Variants in CMTM8 observed in about 807,000 individuals in gnomAD.
CMTM8 encodes CKLF like MARVEL transmembrane domain containing 8.
Under a neutral mutation model 18.6 loss-of-function variants are expected in CMTM8, and 12 were observed. The ratio of observed to expected loss-of-function variants is 0.65; its 90% confidence interval spans 0.41 to 1.05. CMTM8 has a LOEUF of 1.05. Ranked by LOEUF, CMTM8 falls within the 50% of genes least tolerant of loss-of-function variation. The probability of loss-of-function intolerance (pLI) is 0.00; values close to 1 mark genes in which losing one functional copy is unlikely to be tolerated. For missense variants in CMTM8, 217 were observed against 227.2 expected (o/e 0.95, Z 0.29); for synonymous variants, 87 against 90.6 (o/e 0.96, Z 0.23).
chr3:32,354,591 C>T (rs1358576543), intron 1 of CMTM8, among the ~76,000 whole-genome samples: 1 of 152,182 alleles, frequency 6.6e-6, no homozygotes, highest in Non-Finnish European at 1.5e-5. Flanking sequence ...TGAGTTGAGC[C>T]TGTTTAGCTG....
intron 2 of CMTM8, 95 bp downstream of exon 2, chr3:32,357,641 A>G: frequency 7.8e-7 from 1 of 1,278,544 alleles, no homozygotes; most frequent in Non-Finnish European, 1.1e-6. Flanking sequence ...CTCTGCCCAG[A>G]AAAGGTGGGG....
At chr3:32,276,942 C>T (rs1559367828) in intron 1 of CMTM8, among the ~76,000 whole-genome samples, 1 of 151,926 alleles carries the variant, frequency 6.6e-6, no homozygotes, top group Non-Finnish European at 1.5e-5. Context: ...GGCTAGAGTG[C>T]AGCGGCACAA....
In CMTM8 at chr3:32,263,975, T is replaced by C. The variant is rs192964323; in HGVS notation, c.147+24856T>C. 9.2e-5 allele frequency among the ~76,000 whole-genome samples: 14 copies of C among 152,340 alleles called. No homozygotes were observed. In the East Asian group the frequency reaches 2.3e-3, roughly 25 times the overall value. ...TGAAAAGACCAAATCTATGTCTGAT[T>C]GGTGTACCTGAAAGTGACAAGGAGA... On this transcript the variant is annotated intron_variant, in intron 1 of 3. Transcript: ENST00000307526.
At chr3:32,361,286 G>GTTTGTTTTTTTTTTTTTTTTGTTT (rs140270969) in intron 2 of CMTM8, among the ~76,000 whole-genome samples, 1 of 87,230 alleles carries the variant, frequency 1.1e-5, no homozygotes, top group Non-Finnish European at 2.4e-5. Flanking sequence ...CAGCCTAAGA[G>GTTTGTTTTTTTTTTTTTTTTGTTT]TTTTTTTTTC....
chr3:32,332,477 T>G (rs1575180641), intron 1 of CMTM8, among the ~76,000 whole-genome samples: 1 of 148,094 alleles, frequency 6.8e-6, no homozygotes, highest in Admixed American at 6.8e-5. Context: ...AGGTGAGGGG[T>G]GGGGAGCTTG....
chr3:32,349,804 T>C (rs764674307), intron 1 of CMTM8, among the ~76,000 whole-genome samples: 44 of 152,068 alleles, frequency 2.9e-4, no homozygotes, highest in Non-Finnish European at 6.2e-4. Flanking sequence ...GGTCAGGAGT[T>C]CGAGACCAGC....
intron 1 of CMTM8, among the ~76,000 whole-genome samples, chr3:32,288,211 C>T (rs879423077): frequency 4.6e-5 from 7 of 152,282 alleles, no homozygotes; most frequent in Admixed American, 4.6e-4. Flanking sequence ...TGGGTCCTTG[C>T]TCTCAAGGAG....
chr3:32,251,877 C>T (rs1459485819), intron 1 of CMTM8, among the ~76,000 whole-genome samples: 1 of 151,506 alleles, frequency 6.6e-6, no homozygotes, highest in African/African-American at 2.4e-5. Flanking sequence ...ATGGCTTGAG[C>T]TCAGGAGTTC....
Position 32,357,566 on chromosome 3 carries a change from T to A in CMTM8, c.321+20T>A. 1 of 1,613,110 alleles carries A rather than the reference T, an allele frequency of 6.2e-7. No individual in the cohort carries two copies. Among genetic ancestry groups the A allele is most frequent in the Admixed American group, 1.7e-5 (1 of 60,012 alleles). On this transcript the variant is annotated intron_variant, in intron 2 of 3. Transcript: ENST00000307526. Reference sequence around the variant, plus strand: ...ACAGTGGTAAGGAAGCTGTGGGTGGTGGTCTTGTCCAGTGCCCACTCGGTA... The same window carrying A: ...ACAGTGGTAAGGAAGCTGTGGGTGGAGGTCTTGTCCAGTGCCCACTCGGTA...
chr3:32,299,873 A>G (rs1392506872), intron 1 of CMTM8, among the ~76,000 whole-genome samples: 1 of 152,198 alleles, frequency 6.6e-6, no homozygotes, highest in Non-Finnish European at 1.5e-5. Flanking sequence ...AGGCCAAAAT[A>G]TGTACTGTCT....
intron 1 of CMTM8, among the ~76,000 whole-genome samples, chr3:32,298,902 CACACACACACAT>C (rs1695543822): frequency 4.3e-5 from 6 of 139,438 alleles, no homozygotes; most frequent in South Asian, 2.2e-4. Flanking sequence ...CACACATACA[CACACACACACAT>C]ACACACACAC....
intron 1 of CMTM8, among the ~76,000 whole-genome samples, chr3:32,276,366 A>T (rs1369669862): frequency 1.3e-5 from 2 of 152,210 alleles, no homozygotes; most frequent in Non-Finnish European, 2.9e-5. Context: ...TTTTCCTGTA[A>T]CATGATTGTT....
At chr3:32,323,187 T>C (rs1696091155) in intron 1 of CMTM8, among the ~76,000 whole-genome samples, 2 of 152,144 alleles carry the variant, frequency 1.3e-5, no homozygotes, top group Admixed American at 1.3e-4. Context: ...CCAGCCTGGC[T>C]GGGGGCAGGA....
Position 32,239,023 on chromosome 3 carries a change from C to T in CMTM8, c.51C>T (p.Ser17=), listed in dbSNP as rs146090233. 2,320 of 1,572,096 alleles carry T rather than the reference C, an allele frequency of 1.5e-3. 35 individuals are homozygous for T. The African/African-American group carries it at 0.028, about 19-fold the overall frequency. The change falls in exon 1 of 4, where the codon AGC becomes AGT. Residue 17 remains serine, a synonymous_variant. Transcript: ENST00000307526. ...ARSHTVTTTA[S]SFAENFSTSS... Reference sequence around the variant, plus strand: ...CGCACACAGTCACCACCACCGCCAGCTCCTTCGCAGAGAACTTCTCCACCA... The same window carrying T: ...CGCACACAGTCACCACCACCGCCAGTTCCTTCGCAGAGAACTTCTCCACCA...
chr3:32,352,023 A>G (rs905852293), intron 1 of CMTM8, among the ~76,000 whole-genome samples: 10 of 152,030 alleles, frequency 6.6e-5, no homozygotes, highest in Admixed American at 1.3e-4. Flanking sequence ...CTAAAAATAC[A>G]AAAAATTAGC....
At chr3:32,328,585 T>C (rs1029983825) in intron 1 of CMTM8, among the ~76,000 whole-genome samples, 9 of 150,922 alleles carry the variant, frequency 6.0e-5, no homozygotes, top group Non-Finnish European at 8.8e-5. Context: ...GTTGGTTTTT[T>C]GAAAAGATTG....
At chr3:32,276,679 C>T (rs920183421) in intron 1 of CMTM8, among the ~76,000 whole-genome samples, 4 of 152,082 alleles carry the variant, frequency 2.6e-5, no homozygotes, top group East Asian at 1.9e-4. Context: ...TCTTGTAACC[C>T]GTGTCGTCAA....
intron 1 of CMTM8, among the ~76,000 whole-genome samples, chr3:32,317,911 C>T (rs372967315): frequency 5.3e-5 from 8 of 151,748 alleles, no homozygotes; most frequent in Non-Finnish European, 1.0e-4. Context: ...AAAAATTAGC[C>T]GGGCATGGTT....
intron 2 of CMTM8, among the ~76,000 whole-genome samples, chr3:32,365,797 A>G (rs1653329488): frequency 6.6e-6 from 1 of 152,188 alleles, no homozygotes; most frequent in Non-Finnish European, 1.5e-5. Flanking sequence ...ACTGTGGCCC[A>G]GGGAACTGGC....
Sources: gnomAD v4.1 joint callset for allele counts (sites outside exome capture counted in the v4.1 genomes callset) on GRCh38, gnomAD v4.1.1 for gene constraint, MANE v1.5 for transcripts, NCBI Gene and HGNC (gene_info 2026-07-23, HGNC 2026-07-21) for gene names.